The following GALNT13 variants were observed in gnomAD, a reference collection of about 807,000 sequenced individuals.
The protein encoded by GALNT13 is UDP-GalNAc:polypeptide N-acetylgalactosaminyltransferase 13.
Under a neutral mutation model 64.2 loss-of-function variants are expected in GALNT13, and 28 were observed. That is an observed-to-expected ratio of 0.44 (90% confidence interval 0.32 to 0.60). The LOEUF (loss-of-function observed/expected upper bound fraction) is 0.60. Among genes scored for constraint, GALNT13 ranks in the 20% least tolerant of loss-of-function variants. The pLI, the probability that GALNT13 is intolerant of heterozygous loss-of-function variation, is 0.05. For synonymous variants in GALNT13, 214 were observed against 224.6 expected (o/e 0.95, Z 0.42); for missense variants, 577 against 669.8 (o/e 0.86, Z 1.53).
At chr2:153,244,511 A>T in the GALNT13 span, among the ~76,000 whole-genome samples, 3 of 152,160 alleles carry the variant, frequency 2.0e-5, no homozygotes, top group Admixed American at 1.3e-4. Flanking sequence ...GTGTGAGCAG[A>T]AGCAGGGTGG....
intron 9 of GALNT13, among the ~76,000 whole-genome samples, chr2:154,353,282 T>TA: frequency 6.6e-6 from 1 of 152,254 alleles, no homozygotes; most frequent in Non-Finnish European, 1.5e-5. Context: ...GTTACAACTT[T>TA]AAAAAAATTA....
intron 9 of GALNT13, among the ~76,000 whole-genome samples, chr2:154,352,378 A>G (rs1696463061): frequency 6.6e-6 from 1 of 152,220 alleles, no homozygotes; most frequent in Non-Finnish European, 1.5e-5. Context: ...TCTCAGGTAG[A>G]TAAAACAGGT....
chr2:153,185,894 A>G, the GALNT13 span, among the ~76,000 whole-genome samples: 1 of 152,116 alleles, frequency 6.6e-6, no homozygotes, highest in Non-Finnish European at 1.5e-5. Context: ...GATCGATTTT[A>G]GAGTAAGTGC....
At chr2:153,193,652 T>TA in the GALNT13 span, among the ~76,000 whole-genome samples, 49,681 of 148,706 alleles carry the variant, frequency 0.33, 8,331 homozygotes, top group Middle Eastern at 0.47. Flanking sequence ...TTCATTTTAA[T>TA]AAAAAAAAAA....
In GALNT13 at chr2:154,219,964, T is replaced by C. The variant is rs76596872; in HGVS notation, c.312-22066T>C. Among the ~76,000 whole-genome samples, 958 of 152,208 alleles carry C rather than the reference T, an allele frequency of 6.3e-3. 7 individuals carry two copies. Among genetic ancestry groups the C allele is most frequent in the Non-Finnish European group, 9.9e-3 (672 of 68,008 alleles). ...GGTAAATGAAGAATAAGGACACATA[T>C]CATATATATCATATATAACTTCCAG... On this transcript the variant is annotated intron_variant, in intron 4 of 12. Coordinates refer to ENST00000392825, the MANE Select transcript of GALNT13 (RefSeq NM_052917.4).
the GALNT13 span, among the ~76,000 whole-genome samples, chr2:153,734,521 G>A: frequency 6.6e-6 from 1 of 152,124 alleles, no homozygotes; most frequent in Non-Finnish European, 1.5e-5. Context: ...TTAAACTGCA[G>A]GCCCTCTAGT....
intron 12 of GALNT13, chr2:154,446,888 A>C: frequency 1.0e-6 from 1 of 978,788 alleles, no homozygotes; most frequent in East Asian, 2.8e-5. Context: ...CCATGGAGTT[A>C]ACTCTCTGTC....
At chr2:153,817,798 C>A in the GALNT13 span, among the ~76,000 whole-genome samples, 1 of 152,122 alleles carries the variant, frequency 6.6e-6, no homozygotes, top group East Asian at 1.9e-4. Flanking sequence ...TTATAATACC[C>A]AAAAAGTATA....
the GALNT13 span, among the ~76,000 whole-genome samples, chr2:153,301,806 C>G: frequency 1.3e-5 from 2 of 151,832 alleles, no homozygotes; most frequent in African/African-American, 4.8e-5. Flanking sequence ...AACATAATGT[C>G]CTCCAGGTTT....
the GALNT13 span, among the ~76,000 whole-genome samples, chr2:153,388,154 C>T: frequency 2.6e-5 from 4 of 152,068 alleles, no homozygotes; most frequent in Middle Eastern, 3.4e-3. Context: ...GTCAACCTTT[C>T]CCTGTTGTCA....
chr2:153,562,058 C>CTGTGTGTGTGTG, the GALNT13 span, among the ~76,000 whole-genome samples: 17 of 87,212 alleles, frequency 1.9e-4, no homozygotes, highest in African/African-American at 7.3e-4. Flanking sequence ...CTCTCTCTCT[C>CTGTGTGTGTGTG]TCTGTGTGTG....
intron 9 of GALNT13, among the ~76,000 whole-genome samples, chr2:154,317,761 G>T (rs1045230876): frequency 6.6e-6 from 1 of 151,988 alleles, no homozygotes; most frequent in Non-Finnish European, 1.5e-5. Context: ...ACAGTGTCCT[G>T]ATTTTTGAAC....
At chr2:153,362,556 A>AAAG in the GALNT13 span, among the ~76,000 whole-genome samples, 1 of 72,902 alleles carries the variant, frequency 1.4e-5, no homozygotes, top group Non-Finnish European at 3.7e-5. Flanking sequence ...TGGAGAGCAA[A>AAAG]AAAAAAAAAA....
At chr2:154,417,632 C>T (rs1444658677) in intron 11 of GALNT13, among the ~76,000 whole-genome samples, 1 of 151,502 alleles carries the variant, frequency 6.6e-6, no homozygotes, top group Non-Finnish European at 1.5e-5. Context: ...TACCTCAGCC[C>T]CCCCGAGTAG....
intron 1 of GALNT13, among the ~76,000 whole-genome samples, chr2:153,873,325 C>T (rs898146875): frequency 1.3e-5 from 2 of 152,204 alleles, no homozygotes; most frequent in African/African-American, 4.8e-5. Flanking sequence ...GGTCCGAGGG[C>T]GCTGCGCTGC....
chr2:154,020,849 C>A (rs1039461567), intron 3 of GALNT13, among the ~76,000 whole-genome samples: 1 of 152,072 alleles, frequency 6.6e-6, no homozygotes, highest in Non-Finnish European at 1.5e-5. Context: ...ACATTTAAGT[C>A]TTTAATCCAT....
chr2:154,081,173 T>C (rs1476332655), intron 3 of GALNT13, among the ~76,000 whole-genome samples: 2 of 151,606 alleles, frequency 1.3e-5, no homozygotes, highest in African/African-American at 2.4e-5. Flanking sequence ...CCATACTCTA[T>C]GTAAATCTCT....
the GALNT13 span, among the ~76,000 whole-genome samples, chr2:153,807,786 G>C: frequency 3.3e-5 from 5 of 151,970 alleles, no homozygotes; most frequent in Non-Finnish European, 4.4e-5. Flanking sequence ...TTATTGTCTT[G>C]TATTTCATTT....
intron 9 of GALNT13, among the ~76,000 whole-genome samples, chr2:154,387,644 T>G (rs1031702476): frequency 1.3e-5 from 2 of 151,816 alleles, no homozygotes; most frequent in Admixed American, 1.3e-4. Context: ...ACAACTGTAT[T>G]AGAATCTACA....
Sources: gnomAD v4.1 joint callset for allele counts (sites outside exome capture counted in the v4.1 genomes callset) on GRCh38, gnomAD v4.1.1 for gene constraint, MANE v1.5 for transcripts, NCBI Gene and HGNC (gene_info 2026-07-23, HGNC 2026-07-21) for gene names.